The following NRXN1 variants were observed in gnomAD, a reference collection of about 807,000 sequenced individuals.
NRXN1 encodes neurexin 1, also known as neurexin-1.
A neutral mutation model predicts 150.9 loss-of-function variants in NRXN1; 39 were observed. That is an observed-to-expected ratio of 0.26 (90% CI 0.20 to 0.34). The LOEUF is 0.34. Among genes scored for constraint, NRXN1 ranks in the 10% least tolerant of loss-of-function variants. NRXN1 has a pLI of 1.00. For missense variants in NRXN1, 1,815 were observed against 1,949.9 expected (o/e 0.93, Z 1.30); for synonymous variants, 924 against 757.0 (o/e 1.22, Z -3.62).
chr2:50,248,339 C>G (rs1349031977), intron 17 of NRXN1, among the ~76,000 whole-genome samples: 1 of 151,996 alleles, frequency 6.6e-6, no homozygotes, highest in Non-Finnish European at 1.5e-5. Context: ...GATTCTTGGC[C>G]ATGGGAATTT....
chr2:50,373,238 T>C (rs965795445), intron 17 of NRXN1, among the ~76,000 whole-genome samples: 3 of 151,196 alleles, frequency 2.0e-5, no homozygotes. Flanking sequence ...GATTAGGGCA[T>C]TGACTGTTTT....
chr2:50,402,503 C>T (rs748193114), intron 17 of NRXN1, among the ~76,000 whole-genome samples: 2 of 152,108 alleles, frequency 1.3e-5, no homozygotes, highest in South Asian at 4.1e-4. Context: ...ACCCTTGAAA[C>T]GGTAATCAGC....
intron 8 of NRXN1, among the ~76,000 whole-genome samples, chr2:50,602,429 CTATATT>C (rs1418746358): frequency 6.6e-6 from 1 of 151,504 alleles, no homozygotes; most frequent in Non-Finnish European, 1.5e-5. Flanking sequence ...TAGAGATCCT[CTATATT>C]TAAGTTTCAG....
intron 5 of NRXN1, among the ~76,000 whole-genome samples, chr2:50,766,525 C>T (rs572633296): frequency 1.6e-4 from 25 of 152,118 alleles, no homozygotes; most frequent in Non-Finnish European, 2.1e-4. Flanking sequence ...GGTTGCATCC[C>T]TTTCCTTAGA....
chr2:50,946,785 C>G (rs1201962388), intron 2 of NRXN1, among the ~76,000 whole-genome samples: 4 of 152,108 alleles, frequency 2.6e-5, no homozygotes, highest in Admixed American at 2.6e-4. Context: ...TAAAAAATCA[C>G]AGACAGGTAT....
chr2:50,568,535 A>T (rs1385921571), intron 8 of NRXN1, among the ~76,000 whole-genome samples: 1 of 152,194 alleles, frequency 6.6e-6, no homozygotes, highest in Non-Finnish European at 1.5e-5. Context: ...GAGGTATATG[A>T]CAAGCTGCTC....
At chr2:49,974,256 G>A in intron 21 of NRXN1, 1 of 632,336 alleles carries the variant, frequency 1.6e-6, no homozygotes, top group Admixed American at 2.1e-5. Context: ...CACTACGGCA[G>A]GAAGGGATGC....
At chr2:50,261,303 T>C (rs1409197852) in intron 17 of NRXN1, among the ~76,000 whole-genome samples, 1 of 151,792 alleles carries the variant, frequency 6.6e-6, no homozygotes, top group Non-Finnish European at 1.5e-5. Flanking sequence ...TAATTATTTT[T>C]CCCAGACTTT....
At chr2:50,075,859 C>G (rs1318690151) in intron 19 of NRXN1, among the ~76,000 whole-genome samples, 3 of 152,092 alleles carry the variant, frequency 2.0e-5, no homozygotes, top group Non-Finnish European at 4.4e-5. Flanking sequence ...ACTTGGAGAC[C>G]CAAGCACAGA....
At chr2:50,485,046 G>C (rs947948708) in intron 15 of NRXN1, among the ~76,000 whole-genome samples, 5 of 152,138 alleles carry the variant, frequency 3.3e-5, no homozygotes, top group Middle Eastern at 3.2e-3. Flanking sequence ...ATTGCTTTGT[G>C]CTACGTGACA....
intron 5 of NRXN1, among the ~76,000 whole-genome samples, chr2:50,656,766 A>G (rs900798934): frequency 7.9e-5 from 12 of 151,994 alleles, no homozygotes; most frequent in Non-Finnish European, 1.6e-4. Flanking sequence ...AAAAGACAAA[A>G]CAAACTCTTA....
intron 21 of NRXN1, among the ~76,000 whole-genome samples, chr2:50,040,877 A>T (rs1459490527): frequency 1.1e-4 from 17 of 151,794 alleles, no homozygotes; most frequent in Admixed American, 1.1e-3. Context: ...TGCTTTTTTT[A>T]AATTACACTT....
At chr2:50,623,655 A>C in intron 5 of NRXN1, 40 bp from the exon 6 acceptor site, 2 of 1,442,508 alleles carry the variant, frequency 1.4e-6, no homozygotes, top group Middle Eastern at 4.5e-4. Flanking sequence ...GTAAACAAAT[A>C]CACTATGCAA....
chr2:50,359,839 G>C (rs983532668), intron 17 of NRXN1, among the ~76,000 whole-genome samples: 1 of 152,130 alleles, frequency 6.6e-6, no homozygotes, highest in Non-Finnish European at 1.5e-5. Flanking sequence ...AGGAAAAAAT[G>C]TCAAGGGCAC....
chr2:50,534,516 G>A (rs2093202747), intron 10 of NRXN1, among the ~76,000 whole-genome samples: 1 of 152,116 alleles, frequency 6.6e-6, no homozygotes, highest in Non-Finnish European at 1.5e-5. Flanking sequence ...AAAAAATAAT[G>A]AAAACCTGAG....
intron 2 of NRXN1, among the ~76,000 whole-genome samples, chr2:50,953,032 A>T (rs149745797): frequency 6.6e-5 from 10 of 152,268 alleles, no homozygotes; most frequent in African/African-American, 2.4e-4. Flanking sequence ...AAGAGAGAGG[A>T]ACACTGTCAC....
intron 5 of NRXN1, among the ~76,000 whole-genome samples, chr2:50,675,602 T>C (rs564258131): frequency 8.5e-5 from 13 of 152,292 alleles, no homozygotes; most frequent in African/African-American, 2.9e-4. Flanking sequence ...ATCAAGCTAT[T>C]CCAATGCAAT....
At chr2:50,462,555 G>A (rs141903441) in intron 17 of NRXN1, among the ~76,000 whole-genome samples, 2 of 151,880 alleles carry the variant, frequency 1.3e-5, no homozygotes, top group Admixed American at 6.6e-5. Context: ...TTGAAGAGGT[G>A]AGTATATGAC....
At chr2:50,092,055 A>G (rs189062575) in intron 18 of NRXN1, among the ~76,000 whole-genome samples, 15 of 152,326 alleles carry the variant, frequency 9.8e-5, no homozygotes, top group African/African-American at 3.6e-4. Flanking sequence ...TGATGATGAA[A>G]CATCAACATT....
Sources: allele counts gnomAD v4.1 joint callset (sites outside exome capture counted in the v4.1 genomes callset), GRCh38; gene constraint gnomAD v4.1.1; transcripts MANE v1.5; gene names NCBI Gene and HGNC (gene_info 2026-07-23, HGNC 2026-07-21).